Variants in ULK4 observed in about 807,000 individuals in gnomAD.
The protein encoded by ULK4 is inactive serine/threonine-protein kinase ULK4.
Under a neutral mutation model 160.6 loss-of-function variants are expected in ULK4, and 133 were observed. The observed-to-expected ratio is 0.83, with a 90% CI of 0.72 to 0.96. ULK4 has a LOEUF of 0.96. Among genes scored for constraint, ULK4 ranks in the 40% least tolerant of loss-of-function variants. The pLI is 0.00. For synonymous variants in ULK4, 534 were observed against 539.8 expected, an observed-to-expected ratio of 0.99 and a Z score of 0.15; for missense variants, 1,580 against 1,499.5, an observed-to-expected ratio of 1.05 and a Z score of -0.89.
intron 35 of ULK4, among the ~76,000 whole-genome samples, chr3:41,378,041 G>A (rs1042611564): frequency 7.0e-4 from 106 of 151,914 alleles, no homozygotes; most frequent in African/African-American, 2.5e-3. Context: ...ATACTATGCA[G>A]CCATAAAAAA....
At chr3:41,248,079 C>T (rs2078678160) in intron 36 of ULK4, among the ~76,000 whole-genome samples, 1 of 152,152 alleles carries the variant, frequency 6.6e-6, no homozygotes, top group South Asian at 2.1e-4. Context: ...AAATTTGGGT[C>T]CAGCATGAGG....
At chr3:41,794,685 A>AAAAAAAAAAAAAAAAAAC (rs1553654846) in intron 20 of ULK4, among the ~76,000 whole-genome samples, 12 of 129,028 alleles carry the variant, frequency 9.3e-5, no homozygotes, top group African/African-American at 1.3e-4. Flanking sequence ...AAAAAAAAAA[A>AAAAAAAAAAAAAAAAAAC]ACACAGAAAA....
intron 32 of ULK4, among the ~76,000 whole-genome samples, chr3:41,554,990 T>G (rs993996065): frequency 1.3e-5 from 2 of 151,874 alleles, no homozygotes; most frequent in Admixed American, 1.3e-4. Context: ...CATGACAGAT[T>G]AGAATTTCCG....
rs1007324036 is a variant in ULK4, at chr3:41,376,759, T to C, written c.3678+21320A>G. ...CAAATGGAAGAACACTCCATGTTCATGGGAAGGAAGAATCAATATCGTAAA... is the reference window on the plus strand; with the variant it reads ...CAAATGGAAGAACACTCCATGTTCACGGGAAGGAAGAATCAATATCGTAAA... On this transcript the variant is annotated intron_variant, in intron 35 of 36. Coordinates refer to ENST00000301831, the MANE Select transcript of ULK4 (RefSeq NM_017886.4). Among the ~76,000 whole-genome samples the C allele has an allele frequency of 4.7e-5, 7 of 150,352 alleles. 1 individual carries two copies. Among genetic ancestry groups the C allele is most frequent in the East Asian group, 2.1e-4 (1 of 4,830 alleles).
chr3:41,759,027 C>T (rs891823844), intron 21 of ULK4, among the ~76,000 whole-genome samples: 3 of 152,104 alleles, frequency 2.0e-5, no homozygotes, highest in Admixed American at 2.0e-4. Flanking sequence ...AAAGAGACCT[C>T]CTCAATCTGA....
intron 35 of ULK4, among the ~76,000 whole-genome samples, chr3:41,323,639 C>A (rs979092370): frequency 4.6e-5 from 7 of 152,032 alleles, no homozygotes; most frequent in Non-Finnish European, 8.8e-5. Context: ...GAAACCCACA[C>A]CCATGCACAT....
intron 35 of ULK4, among the ~76,000 whole-genome samples, chr3:41,363,370 C>G (rs1240882861): frequency 6.6e-6 from 1 of 152,238 alleles, no homozygotes; most frequent in East Asian, 1.9e-4. Flanking sequence ...TCTCCTGAGT[C>G]AGACACAGCA....
At chr3:41,872,664 G>A (rs1474881779) in intron 17 of ULK4, among the ~76,000 whole-genome samples, 1 of 128,010 alleles carries the variant, frequency 7.8e-6, no homozygotes, top group African/African-American at 3.7e-5. Context: ...ATTATTATTG[G>A]CAAGAGGGTA....
chr3:41,659,769 C>T (rs1347791620), intron 30 of ULK4, among the ~76,000 whole-genome samples: 1 of 151,546 alleles, frequency 6.6e-6, no homozygotes, highest in Non-Finnish European at 1.5e-5. Flanking sequence ...CAAAATAACA[C>T]ATTTATGAGA....
intron 31 of ULK4, among the ~76,000 whole-genome samples, chr3:41,577,092 A>C (rs1451158428): frequency 6.6e-6 from 1 of 152,194 alleles, no homozygotes; most frequent in Non-Finnish European, 1.5e-5. Flanking sequence ...AGTTTCTAAG[A>C]GGTACTAGTA....
chr3:41,695,794 G>A (rs558016843), intron 27 of ULK4, among the ~76,000 whole-genome samples: 3 of 152,038 alleles, frequency 2.0e-5, no homozygotes, highest in South Asian at 2.1e-4. Flanking sequence ...ACATGATTAC[G>A]TATGAATACC....
chr3:41,535,969 T>C lies in ULK4; in HGVS notation c.3226+30056A>G, dbSNP rs1372812182. On this transcript the variant is annotated intron_variant, in intron 32 of 36. Coordinates refer to ENST00000301831, the MANE Select transcript of ULK4 (RefSeq NM_017886.4). ...ACCATCTGGACTCATCATATGTCTC[T>C]ACTCATGCTGCAGCAAGAAGCTCAG... is the stretch of plus-strand genomic sequence containing the variant. Among the ~76,000 whole-genome samples, 9 of 152,322 alleles carry C rather than the reference T, an allele frequency of 5.9e-5. No homozygotes were observed. The East Asian group carries it at 1.7e-3, about 29-fold the overall frequency.
intron 35 of ULK4, chr3:41,258,626 T>C (rs755845395): frequency 1.3e-5 from 2 of 152,190 alleles, no homozygotes; most frequent in Non-Finnish European, 2.9e-5. Context: ...TGGATTTCAA[T>C]ATTTCAAAAC....
chr3:41,833,687 G>T (rs2041667956), intron 18 of ULK4, among the ~76,000 whole-genome samples: 1 of 152,124 alleles, frequency 6.6e-6, no homozygotes, highest in Non-Finnish European at 1.5e-5. Flanking sequence ...AGGAATGCTT[G>T]TGATTTTTGC....
chr3:41,309,601 G>A (rs927451569), intron 35 of ULK4, among the ~76,000 whole-genome samples: 1 of 152,322 alleles, frequency 6.6e-6, no homozygotes, highest in East Asian at 1.9e-4. Context: ...AATGGCAGAA[G>A]ATAGTGGGGC....
intron 18 of ULK4, among the ~76,000 whole-genome samples, chr3:41,831,032 A>G (rs1430687242): frequency 1.1e-5 from 1 of 89,320 alleles, no homozygotes; most frequent in Non-Finnish European, 2.1e-5. Flanking sequence ...TTATTTATTT[A>G]TTGATTTATT....
intron 34 of ULK4, among the ~76,000 whole-genome samples, chr3:41,432,231 T>C (rs1653010787): frequency 6.6e-6 from 1 of 152,186 alleles, no homozygotes; most frequent in South Asian, 2.1e-4. Flanking sequence ...GCAATCAGTA[T>C]GACCTTGAAA....
intron 21 of ULK4, among the ~76,000 whole-genome samples, chr3:41,785,858 C>T (rs2039984334): frequency 6.6e-6 from 1 of 152,166 alleles, no homozygotes; most frequent in South Asian, 2.1e-4. Flanking sequence ...TCTTCCATGT[C>T]CCTTCCTCCC....
intron 32 of ULK4, among the ~76,000 whole-genome samples, chr3:41,548,381 C>T (rs1199683600): frequency 6.6e-6 from 1 of 151,942 alleles, no homozygotes; most frequent in Non-Finnish European, 1.5e-5. Context: ...GTGACTGGCC[C>T]ACTCCACCTA....
Sources: allele counts gnomAD v4.1 joint callset (sites outside exome capture counted in the v4.1 genomes callset), GRCh38; gene constraint gnomAD v4.1.1; transcripts MANE v1.5; gene names NCBI Gene and HGNC (gene_info 2026-07-23, HGNC 2026-07-21).